The following LSM14A variants were observed in gnomAD, a reference collection of about 807,000 sequenced individuals.
LSM14A encodes the protein protein LSM14 homolog A.
In LSM14A, 14 loss-of-function variants were observed where a neutral mutation model predicts 52.4. The ratio of observed to expected loss-of-function variants is 0.27; its 90% CI spans 0.18 to 0.42. The LOEUF (loss-of-function observed/expected upper bound fraction) is 0.42. Among genes scored for constraint, LSM14A ranks in the 10% least tolerant of loss-of-function variants. LSM14A has a pLI of 1.00. For synonymous variants in LSM14A, 185 were observed against 200.3 expected, an observed-to-expected ratio of 0.92 and a Z score of 0.64; for missense variants, 417 against 581.8, an observed-to-expected ratio of 0.72 and a Z score of 2.91.
intron 1 of LSM14A, among the ~76,000 whole-genome samples, chr19:34,181,353 T>G (rs1229016553): frequency 2.6e-5 from 4 of 152,200 alleles, no homozygotes; most frequent in Non-Finnish European, 5.9e-5. Flanking sequence ...ATCCTTCCCT[T>G]TATAGCGAAA....
At chr19:34,192,316 G>GTGTTTTTTTTTTTTTTTTTTTTTTTT (rs2070442714) in intron 1 of LSM14A, among the ~76,000 whole-genome samples, 1 of 65,822 alleles carries the variant, frequency 1.5e-5, no homozygotes, top group African/African-American at 5.8e-5. Context: ...CATTCTTTTT[G>GTGTTTTTTTTTTTTTTTTTTTTTTTT]TTGTTTTTTT....
intron 8 of LSM14A, chr19:34,221,201 A>AC (rs993564104): frequency 3.2e-6 from 1 of 310,696 alleles, no homozygotes; most frequent in Non-Finnish European, 6.0e-6. Flanking sequence ...TCCTGCCTCA[A>AC]CCCCCCAAGT....
chr19:34,180,076 C>T (rs1462191156), intron 1 of LSM14A, among the ~76,000 whole-genome samples: 1 of 152,142 alleles, frequency 6.6e-6, no homozygotes, highest in East Asian at 1.9e-4. Context: ...CACACCACCA[C>T]ACCCAGCTAA....
At chr19:34,196,564 C>T (rs550668710) in intron 2 of LSM14A, 70 bp from the exon 3 acceptor site, 324 of 1,450,528 alleles carry the variant, frequency 2.2e-4, no homozygotes, top group Non-Finnish European at 2.7e-4. Flanking sequence ...AAGTAAAAAT[C>T]TGGAATTTTT....
At chr19:34,193,394 C>G (rs2070609054) in intron 1 of LSM14A, among the ~76,000 whole-genome samples, 2 of 152,258 alleles carry the variant, frequency 1.3e-5, no homozygotes, top group South Asian at 4.1e-4. Flanking sequence ...CTCCTGGGCT[C>G]AAGCAGTCCT....
In LSM14A at chr19:34,172,530, G is replaced by C. The variant is rs951231853; in HGVS notation, c.-113G>C. The C allele has an allele frequency of 2.5e-6, 3 of 1,210,256 alleles. No individual in the cohort carries two copies. Among genetic ancestry groups the C allele is most frequent in the Admixed American group, 4.3e-5 (1 of 23,520 alleles). The allele number at this position is 1,210,256 out of a possible 1,614,324, so 75.0% of individuals were successfully genotyped here. On this transcript the variant is annotated 5_prime_UTR_variant, in exon 1 of 10. Transcript: ENST00000544216. The stretch of plus-strand genomic sequence containing the variant: ...GCGGAGCCGGCGCCGCCGCCATGTT[G>C]GGTCTGAAGCGGCTGCTGTAGGCGC...
At chr19:34,212,919 A>G (rs1178429834) in intron 4 of LSM14A, among the ~76,000 whole-genome samples, 1 of 152,198 alleles carries the variant, frequency 6.6e-6, no homozygotes, top group African/African-American at 2.4e-5. Context: ...AAGTTTTATA[A>G]ACTTATAAGA....
chr19:34,226,536 C>G, intron 9 of LSM14A: 1 of 1,283,200 alleles, frequency 7.8e-7, no homozygotes, highest in Non-Finnish European at 1.1e-6. Context: ...TCTTGTAGCT[C>G]ATTGCTGTCA....
chr19:34,191,998 T>C (rs2070413005), intron 1 of LSM14A, among the ~76,000 whole-genome samples: 1 of 54,358 alleles, frequency 1.8e-5, no homozygotes, highest in South Asian at 8.4e-4. Flanking sequence ...TTGAAGATGC[T>C]AGTCAAAATT....
intron 4 of LSM14A, among the ~76,000 whole-genome samples, chr19:34,213,960 T>C (rs185626326): frequency 0.017 from 2,629 of 151,730 alleles, 34 homozygotes; most frequent in South Asian, 0.034. Context: ...TTTGTATTTT[T>C]TTTGTAGAGA....
Position 34,172,705 on chromosome 19 carries a change from C to G in LSM14A, c.63C>G (p.Arg21=). The change falls in exon 1 of 10, where the codon CGC becomes CGG. Residue 21 remains arginine, a synonymous_variant. Coordinates refer to ENST00000544216, the MANE Select transcript of LSM14A (RefSeq NM_015578.4). ...GCCTCATCTCCAAGGCGGAGATCCGCTACGAGGGCATCCTCTACACCATCG... is the reference window on the plus strand; with the variant it reads ...GCCTCATCTCCAAGGCGGAGATCCGGTACGAGGGCATCCTCTACACCATCG... ...KISLISKAEI[R]YEGILYTIDT... 1 of 1,582,236 alleles carries G rather than the reference C, an allele frequency of 6.3e-7. No individual in the cohort carries two copies. The highest frequency in any genetic ancestry group is 8.6e-7 in the Non-Finnish European group (1 of 1,165,694).
chr19:34,178,718 A>C (rs1257847981), intron 1 of LSM14A, among the ~76,000 whole-genome samples: 1 of 152,216 alleles, frequency 6.6e-6, no homozygotes, highest in East Asian at 1.9e-4. Context: ...TATACCTCCA[A>C]ATAATGCTTT....
intron 6 of LSM14A, among the ~76,000 whole-genome samples, 192 bp from the exon 7 acceptor site, chr19:34,219,197 AGT>A (rs1310208319): frequency 8.5e-5 from 13 of 152,228 alleles, no homozygotes; most frequent in African/African-American, 3.1e-4. Flanking sequence ...AGCTATTCTC[AGT>A]CTACATATTA....
chr19:34,218,758 GGA>G, intron 6 of LSM14A, among the ~76,000 whole-genome samples: 1 of 152,182 alleles, frequency 6.6e-6, no homozygotes, highest in East Asian at 1.9e-4. Context: ...GTGTTATAGA[GGA>G]GAGAGAATGT....
intron 3 of LSM14A, among the ~76,000 whole-genome samples, chr19:34,201,940 A>G (rs1194220689): frequency 1.3e-5 from 2 of 148,658 alleles, no homozygotes; most frequent in African/African-American, 2.5e-5. Context: ...TCCCATCTCA[A>G]CCTCCCTAGT....
chr19:34,224,236 G>A (rs2073220930), intron 9 of LSM14A, among the ~76,000 whole-genome samples: 1 of 152,168 alleles, frequency 6.6e-6, no homozygotes. Context: ...GGAGGCTGAG[G>A]CAGGAGAATC....
intron 1 of LSM14A, among the ~76,000 whole-genome samples, chr19:34,178,195 C>A (rs1157198027): frequency 4.0e-5 from 5 of 125,532 alleles, no homozygotes; most frequent in African/African-American, 1.5e-4. Context: ...TAATAATAAT[C>A]TGTTTTCTCT....
intron 1 of LSM14A, among the ~76,000 whole-genome samples, chr19:34,187,112 A>G (rs1439784971): frequency 6.6e-6 from 1 of 151,672 alleles, no homozygotes; most frequent in Admixed American, 6.6e-5. Flanking sequence ...GCCTGGGCGT[A>G]GTGGTGCACA....
chr19:34,205,771 AAAGAT>A (rs1462750397), intron 3 of LSM14A, among the ~76,000 whole-genome samples: 2 of 152,118 alleles, frequency 1.3e-5, no homozygotes, highest in Admixed American at 1.3e-4. Context: ...AAGAAAATAA[AAAGAT>A]AAGAGCAGAA....
Sources: gnomAD v4.1 joint callset for allele counts (sites outside exome capture counted in the v4.1 genomes callset) on GRCh38, gnomAD v4.1.1 for gene constraint, MANE v1.5 for transcripts, NCBI Gene and HGNC (gene_info 2026-07-23, HGNC 2026-07-21) for gene names.